ZNF704: variants seen among roughly 807,000 people sequenced by gnomAD.
The protein encoded by ZNF704 is glucocorticoid induced gene 1.
Under a neutral mutation model 44.7 loss-of-function variants are expected in ZNF704, and 10 were observed. That is an observed-to-expected ratio of 0.22 (90% CI 0.14 to 0.38). The LOEUF is 0.38. Among genes scored for constraint, ZNF704 ranks in the 10% least tolerant of loss-of-function variants. The probability of loss-of-function intolerance (pLI) is 1.00; values close to 1 mark genes in which losing one functional copy is unlikely to be tolerated. For synonymous variants in ZNF704, 211 were observed against 207.6 expected (o/e 1.02, Z -0.14); for missense variants, 390 against 545.5 (o/e 0.71, Z 2.84).
At chr8:80,722,052 C>A (rs1378995565) in intron 2 of ZNF704, among the ~76,000 whole-genome samples, 2 of 152,136 alleles carry the variant, frequency 1.3e-5, no homozygotes, top group African/African-American at 4.8e-5. Context: ...GCCTGTGCAA[C>A]ATGGCAAGAC....
chr8:80,659,460 A>G, intron 7 of ZNF704, 125 bp downstream of exon 7: 1 of 785,356 alleles, frequency 1.3e-6, no homozygotes, highest in Non-Finnish European at 2.2e-6. Context: ...AATATCATTT[A>G]AGAAATATAG....
At chr8:80,650,170 C>T (rs1488777916) in intron 7 of ZNF704, among the ~76,000 whole-genome samples, 2 of 152,240 alleles carry the variant, frequency 1.3e-5, no homozygotes, top group African/African-American at 4.8e-5. Context: ...TGTATATCAC[C>T]ATCATCAAAG....
chr8:80,642,264 TTTTC>T (rs961949834), intron 8 of ZNF704, among the ~76,000 whole-genome samples: 188 of 152,342 alleles, frequency 1.2e-3, no homozygotes, highest in African/African-American at 3.7e-3. Flanking sequence ...ATAAAAATTT[TTTTC>T]TTTCTTTGTT....
intron 1 of ZNF704, among the ~76,000 whole-genome samples, chr8:80,854,085 C>G (rs957926793): frequency 6.6e-6 from 1 of 152,118 alleles, no homozygotes; most frequent in Non-Finnish European, 1.5e-5. Context: ...TGCCTCGTGA[C>G]TGAATTGAAA....
intron 8 of ZNF704, 37 bp from the exon 9 acceptor site, chr8:80,641,514 G>T: frequency 1.5e-6 from 2 of 1,372,856 alleles, no homozygotes; most frequent in South Asian, 1.3e-5. Context: ...TTAGTGGGAG[G>T]AATTCAATGG....
chr8:80,780,755 G>A (rs1323145609), intron 2 of ZNF704, among the ~76,000 whole-genome samples: 1 of 152,096 alleles, frequency 6.6e-6, no homozygotes, highest in Non-Finnish European at 1.5e-5. Context: ...ACCACAAGCT[G>A]AAAAAGGCAA....
chr8:80,694,290 T>C (rs943566026), intron 2 of ZNF704: 19 of 152,220 alleles, frequency 1.2e-4, no homozygotes, highest in African/African-American at 3.9e-4. Flanking sequence ...TCTGGTTCAT[T>C]AATTTTGGCC....
At chr8:80,883,059 G>A in the ZNF704 span, among the ~76,000 whole-genome samples, 1 of 87,864 alleles carries the variant, frequency 1.1e-5, no homozygotes, top group African/African-American at 5.1e-5. Context: ...GCAACATAAT[G>A]AAACCCTGTC....
chr8:80,849,616 G>T, intron 1 of ZNF704, among the ~76,000 whole-genome samples: 1 of 152,180 alleles, frequency 6.6e-6, no homozygotes, highest in Non-Finnish European at 1.5e-5. Flanking sequence ...ACCAAACACT[G>T]TAAAAGGATT....
intron 2 of ZNF704, among the ~76,000 whole-genome samples, chr8:80,756,172 G>A (rs1279067852): frequency 1.3e-5 from 2 of 151,522 alleles, no homozygotes; most frequent in African/African-American, 2.4e-5. Context: ...AACACATGTC[G>A]CTGCACCAGA....
chr8:80,637,891 T>C lies in ZNF704; in HGVS notation c.*3475A>G, dbSNP rs1817686520. The C allele has an allele frequency of 6.6e-6, 1 of 152,394 alleles. No homozygotes were observed. Among genetic ancestry groups the C allele is most frequent in the Non-Finnish European group, 1.5e-5 (1 of 68,062 alleles). 9.4% of individuals were successfully genotyped at this position (152,394 alleles called of 1,614,324 possible). ...TCTGCTAGAGATGGCCCGCTCAGGC[T>C]AGGCACAGCAGCCCTGCACTCTTGG... On this transcript the variant is annotated 3_prime_UTR_variant, in exon 9 of 9. Coordinates refer to ENST00000327835, the MANE Select transcript of ZNF704 (RefSeq NM_001033723.3).
chr8:80,747,762 G>T (rs1265753480), intron 2 of ZNF704, among the ~76,000 whole-genome samples: 5 of 152,198 alleles, frequency 3.3e-5, no homozygotes, highest in African/African-American at 4.8e-5. Flanking sequence ...CGGTCGCCAG[G>T]CTGGAGTGCA....
Position 80,689,666 on chromosome 8 carries a change from C to A in ZNF704, c.326-2208G>T, listed in dbSNP as rs140129543. Among the ~76,000 whole-genome samples, 7 of 152,244 alleles carry A rather than the reference C, an allele frequency of 4.6e-5. No individual in the cohort carries two copies. The East Asian group carries it at 1.3e-3, about 29-fold the overall frequency. On this transcript the variant is annotated intron_variant, in intron 3 of 8. Transcript: ENST00000327835. ...AAGCTAATGGTGCTAGATGTATAAT[C>A]ATGTTAAGTATGAGGCACTGAATTT... is the stretch of plus-strand genomic sequence containing the variant.
At chr8:80,678,775 T>C (rs1029074339) in intron 4 of ZNF704, among the ~76,000 whole-genome samples, 13 of 152,198 alleles carry the variant, frequency 8.5e-5, no homozygotes, top group African/African-American at 3.1e-4. Context: ...CTGTCGTATT[T>C]GACCTGTCAG....
At chr8:80,823,673 T>G (rs577357791) in intron 1 of ZNF704, among the ~76,000 whole-genome samples, 53 of 152,218 alleles carry the variant, frequency 3.5e-4, no homozygotes, top group African/African-American at 8.7e-4. Flanking sequence ...TACCTCCCAG[T>G]AGGGGCTGAC....
At chr8:80,867,201 C>T (rs891378329) in intron 1 of ZNF704, among the ~76,000 whole-genome samples, 1 of 152,112 alleles carries the variant, frequency 6.6e-6, no homozygotes, top group African/African-American at 2.4e-5. Flanking sequence ...TCACAGGGAG[C>T]GGGGGTTGGC....
At chr8:80,833,345 TC>T in intron 1 of ZNF704, among the ~76,000 whole-genome samples, 1 of 151,840 alleles carries the variant, frequency 6.6e-6, no homozygotes, top group Non-Finnish European at 1.5e-5. Context: ...CAAGACTCCG[TC>T]TCAAAAAAAA....
At chr8:80,802,849 C>A (rs1442700858) in intron 2 of ZNF704, among the ~76,000 whole-genome samples, 3 of 152,006 alleles carry the variant, frequency 2.0e-5, no homozygotes, top group African/African-American at 7.3e-5. Context: ...GGCAATCAGG[C>A]AAAAGAATGA....
At chr8:80,655,898 C>T (rs566453960) in intron 7 of ZNF704, among the ~76,000 whole-genome samples, 1 of 152,292 alleles carries the variant, frequency 6.6e-6, no homozygotes, top group East Asian at 1.9e-4. Flanking sequence ...CCCCAACAGC[C>T]TGAAGCCTCC....
Sources: gnomAD v4.1 joint callset for allele counts (sites outside exome capture counted in the v4.1 genomes callset) on GRCh38, gnomAD v4.1.1 for gene constraint, MANE v1.5 for transcripts, NCBI Gene and HGNC (gene_info 2026-07-23, HGNC 2026-07-21) for gene names.